The following NFS1 variants were observed in gnomAD, a reference collection of about 807,000 sequenced individuals.
NFS1 encodes NFS1 cysteine desulfurase.
Under a neutral mutation model 57.3 loss-of-function variants are expected in NFS1, and 26 were observed. The observed-to-expected ratio is 0.45, with a 90% CI of 0.33 to 0.63. The LOEUF (loss-of-function observed/expected upper bound fraction) is 0.63. Ranked by LOEUF, NFS1 falls within the 20% of genes least tolerant of loss-of-function variation. The pLI is 0.02. For missense variants in NFS1, 505 were observed against 605.8 expected (o/e 0.83, Z 1.75); for synonymous variants, 209 against 216.3 (o/e 0.97, Z 0.30).
chr20:35,675,855 A>T (rs182864243), intron 7 of NFS1: 1 of 138,810 alleles, frequency 7.2e-6, no homozygotes, highest in African/African-American at 2.7e-5. Context: ...TGAGTGATGG[A>T]GCAAGACTCT....
chr20:35,685,412 C>G (rs2034921075), intron 5 of NFS1, among the ~76,000 whole-genome samples: 1 of 151,270 alleles, frequency 6.6e-6, no homozygotes, highest in Non-Finnish European at 1.5e-5. Context: ...GTTCTAGCTG[C>G]TTAGGATGCA....
At chr20:35,675,338 G>A in intron 7 of NFS1, 136 bp from the exon 8 acceptor site, 1 of 923,746 alleles carries the variant, frequency 1.1e-6, no homozygotes, top group African/African-American at 1.7e-5. Context: ...AAACGTTAAG[G>A]AAAAGAAGAA....
At position 35,668,641 on chromosome 20, in the gene NFS1, T is replaced by G. The variant is rs989935769; in HGVS notation, c.*981A>C. ...TTCCTCAAACACCCAGCATGGTAGG[T>G]TTTCCCTGCTATGTCCTCTTACCAC... On this transcript the variant is annotated 3_prime_UTR_variant, in exon 13 of 13. Coordinates refer to ENST00000374092, the MANE Select transcript of NFS1 (RefSeq NM_021100.5). The G allele has an allele frequency of 6.6e-6, 1 of 152,226 alleles. No individual in the cohort carries two copies. The highest frequency in any genetic ancestry group is 1.5e-5 in the Non-Finnish European group (1 of 68,040). The allele number at this position is 152,226 out of a possible 1,614,324, so 9.4% of individuals were successfully genotyped here.
intron 7 of NFS1, among the ~76,000 whole-genome samples, chr20:35,676,540 T>G (rs904538629): frequency 6.6e-6 from 1 of 151,016 alleles, no homozygotes; most frequent in African/African-American, 2.4e-5. Context: ...GAGCCAAGAT[T>G]GTGCCACTGC....
rs2034855557 is a variant in NFS1, at chr20:35,681,953, G to C, written c.590C>G (p.Thr197Ser). The change falls in exon 6 of 13, where the codon ACT (threonine) becomes AGT (serine). Residue 197 changes from threonine to serine, a missense_variant. Transcript: ENST00000374092. The stretch of plus-strand genomic sequence containing the variant: ...CACAGTCATGACTGACACCAGGCTA[G>C]TATCTGGCTGGATAGCAGCCTCTAG... ...KELEAAIQPD[T>S]SLVSVMTVNN... The C allele has an allele frequency of 6.2e-7, 1 of 1,611,816 alleles. No individual in the cohort carries two copies.
chr20:35,675,792 AC>A (rs2034729052), intron 7 of NFS1: 1 of 150,520 alleles, frequency 6.6e-6, no homozygotes, highest in African/African-American at 2.5e-5. Context: ...CATGAGATGA[AC>A]CCAGGTGGTA....
At chr20:35,673,989 C>T (rs547252221) in intron 10 of NFS1, 3 of 443,716 alleles carry the variant, frequency 6.8e-6, no homozygotes, top group East Asian at 8.7e-5. Flanking sequence ...TGCTCACTTC[C>T]CCAGGACGTA....
chr20:35,684,299 G>A (rs2034901411), intron 5 of NFS1, among the ~76,000 whole-genome samples: 1 of 151,440 alleles, frequency 6.6e-6, no homozygotes, highest in South Asian at 2.1e-4. Context: ...AGCTACTTGG[G>A]GAAGGGGCTG....
intron 7 of NFS1, among the ~76,000 whole-genome samples, chr20:35,676,632 T>C (rs1459847976): frequency 1.3e-5 from 2 of 150,700 alleles, no homozygotes; most frequent in Non-Finnish European, 3.0e-5. Context: ...ATTGAAACAG[T>C]GAGTACAGTA....
intron 4 of NFS1, chr20:35,694,868 GAC>G (rs2035105533): frequency 6.5e-6 from 1 of 154,692 alleles, no homozygotes. Context: ...CAGCCTGGAT[GAC>G]AGAGTGAGAC....
intron 5 of NFS1, among the ~76,000 whole-genome samples, chr20:35,686,944 A>C (rs2034954299): frequency 6.6e-6 from 1 of 152,128 alleles, no homozygotes; most frequent in South Asian, 2.1e-4. Flanking sequence ...CAGGCCATAC[A>C]GAGATAGGAG....
At chr20:35,692,681 A>C (rs2035065480) in intron 4 of NFS1, among the ~76,000 whole-genome samples, 1 of 151,236 alleles carries the variant, frequency 6.6e-6, no homozygotes, top group Non-Finnish European at 1.5e-5. Context: ...GGTGAGATCA[A>C]GACTCTGTCT....
At chr20:35,688,701 C>A (rs1172712878) in intron 5 of NFS1, among the ~76,000 whole-genome samples, 1 of 150,856 alleles carries the variant, frequency 6.6e-6, no homozygotes, top group African/African-American at 2.4e-5. Context: ...TCAGCAAGAC[C>A]CTGTCTCCAA....
chr20:35,684,059 G>A lies in NFS1; in HGVS notation c.562-2078C>T, dbSNP rs189599421. ...CCTCGGGAGGCAGAGGTTGCAGTGA[G>A]CCAACACTGTGCCATTGCACTCCAG... On this transcript the variant is annotated intron_variant, in intron 5 of 12. Coordinates refer to ENST00000374092, the MANE Select transcript of NFS1 (RefSeq NM_021100.5). Among the ~76,000 whole-genome samples the A allele has an allele frequency of 4.1e-4, 63 of 152,224 alleles. No homozygotes were observed. The East Asian group carries it at 0.011, about 28-fold the overall frequency.
In NFS1 at chr20:35,684,158, A is replaced by G. The variant is rs561670032; in HGVS notation, c.562-2177T>C. 4.1e-4 allele frequency among the ~76,000 whole-genome samples: 63 copies of G among 152,230 alleles called. No individual in the cohort carries two copies. In the South Asian group the frequency reaches 0.013, roughly 31 times the overall value. ...TGTGGTGACTCACGCCTGTAATCCC[A>G]GCACTTTGGGAGGCCGAGGCGGGCG... On this transcript the variant is annotated intron_variant, in intron 5 of 12. Transcript: ENST00000374092.
chr20:35,698,733 A>G, intron 1 of NFS1, 143 bp from the exon 2 acceptor site: 1 of 1,416,758 alleles, frequency 7.1e-7, no homozygotes. Flanking sequence ...GAAAGAAAAC[A>G]ACACCAGATA....
At chr20:35,672,086 T>A (rs932976113) in intron 12 of NFS1, among the ~76,000 whole-genome samples, 5 of 151,772 alleles carry the variant, frequency 3.3e-5, no homozygotes, top group African/African-American at 1.2e-4. Flanking sequence ...ACCTCCCGAG[T>A]AGCTGGGACT....
intron 5 of NFS1, among the ~76,000 whole-genome samples, chr20:35,689,631 G>A (rs780111344): frequency 6.0e-5 from 9 of 151,042 alleles, no homozygotes; most frequent in Non-Finnish European, 1.3e-4. Context: ...CTAGCAAGGC[G>A]TGGTGGTGCA....
chr20:35,669,667 A>C lies in NFS1; in HGVS notation c.1329T>G (p.Val443=), dbSNP rs776573848. 2 of 1,614,120 alleles carry C rather than the reference A, an allele frequency of 1.2e-6. No homozygotes were observed. Among genetic ancestry groups the C allele is most frequent in the Non-Finnish European group, 1.7e-6 (2 of 1,179,988 alleles). Residue 443 remains valine, a synonymous_variant, in exon 13 of 13, where the codon GTT becomes GTG. Coordinates refer to ENST00000374092, the MANE Select transcript of NFS1 (RefSeq NM_021100.5). ...LREMSPLWEM[V]QDGIDLKSIK... ...TGCTCTTGAGGTCAATGCCATCCTG[A>C]ACCATCTCCCAGAGAGGGCTGCCAA... is the stretch of plus-strand genomic sequence containing the variant.
Sources: allele counts gnomAD v4.1 joint callset (sites outside exome capture counted in the v4.1 genomes callset), GRCh38; gene constraint gnomAD v4.1.1; transcripts MANE v1.5; gene names NCBI Gene and HGNC (gene_info 2026-07-23, HGNC 2026-07-21).